The following DGKD variants were observed in gnomAD, a reference collection of about 807,000 sequenced individuals.
The protein encoded by DGKD is diacylglycerol kinase delta.
A neutral mutation model predicts 154.4 loss-of-function variants in DGKD; 68 were observed. The ratio of observed to expected loss-of-function variants is 0.44; its 90% CI spans 0.36 to 0.54. The LOEUF (loss-of-function observed/expected upper bound fraction) is 0.54, where lower values mean the gene tolerates loss of function less well. DGKD is among the 20% of genes least tolerant of loss of function. The probability of loss-of-function intolerance (pLI) is 0.00; values close to 1 mark genes in which losing one functional copy is unlikely to be tolerated. For synonymous variants in DGKD, 693 were observed against 638.0 expected (o/e 1.09, Z -1.30); for missense variants, 1,343 against 1,593.6 (o/e 0.84, Z 2.68).
intron 1 of DGKD, among the ~76,000 whole-genome samples, chr2:233,366,876 AG>A (rs1330429171): frequency 6.6e-6 from 1 of 152,206 alleles, no homozygotes; most frequent in South Asian, 2.1e-4. Context: ...GGAGAAAGAA[AG>A]GGGGCTGCAG....
chr2:233,457,304 C>CT lies in DGKD; in HGVS notation c.2557dup (p.Trp853LeufsTer8). On this transcript the variant is annotated frameshift_variant, in exon 21 of 30. Coordinates refer to ENST00000264057, the MANE Select transcript of DGKD (RefSeq NM_152879.3). LOFTEE classifies it high-confidence loss of function. The surrounding 1 kb of genome is among the most constrained non-coding windows in gnomAD (Gnocchi z 5.5). The stretch of plus-strand genomic sequence containing the variant: ...CCAGCTATGCCGGAGGAACCAACTT[C>CT]TGGGGGGGTACCAAGGAAGATGATG... The CT allele has an allele frequency of 1.3e-6, 2 of 1,536,344 alleles. No individual in the cohort carries two copies. The highest frequency in any genetic ancestry group is 1.8e-6 in the Non-Finnish European group (2 of 1,140,924).
At chr2:233,386,172 C>A in intron 1 of DGKD, 1 of 308,362 alleles carries the variant, frequency 3.2e-6, no homozygotes, top group Non-Finnish European at 6.4e-6. Context: ...TTTTTTTTTT[C>A]CCATTTAGGG....
chr2:233,355,573 C>T (rs935028070), intron 1 of DGKD, among the ~76,000 whole-genome samples: 1 of 152,164 alleles, frequency 6.6e-6, no homozygotes, highest in South Asian at 2.1e-4. Flanking sequence ...TAGGTTCAGC[C>T]GTTCCCTTCA....
chr2:233,447,521 A>C (rs1559160810), intron 12 of DGKD: 7 of 985,340 alleles, frequency 7.1e-6, no homozygotes, highest in Non-Finnish European at 8.4e-6. Flanking sequence ...TTTTTTTAAA[A>C]AAAAATTTTT....
chr2:233,403,855 C>T (rs781367260), intron 3 of DGKD, among the ~76,000 whole-genome samples: 1 of 151,880 alleles, frequency 6.6e-6, no homozygotes, highest in Non-Finnish European at 1.5e-5. Context: ...CTGGCCAGGC[C>T]GGTCTCGAAC....
chr2:233,380,549 A>G (rs1178543489), intron 1 of DGKD, among the ~76,000 whole-genome samples: 1 of 152,136 alleles, frequency 6.6e-6, no homozygotes. Flanking sequence ...CCCCCAACAG[A>G]ACTGCTTAGG....
intron 3 of DGKD, among the ~76,000 whole-genome samples, chr2:233,428,378 T>C (rs2062387267): frequency 6.6e-6 from 1 of 152,002 alleles, no homozygotes; most frequent in Non-Finnish European, 1.5e-5. Context: ...TTTCTTGTGG[T>C]TTGGGAGAGT....
chr2:233,363,931 T>G (rs946207268), intron 1 of DGKD, among the ~76,000 whole-genome samples: 21 of 152,178 alleles, frequency 1.4e-4, no homozygotes, highest in African/African-American at 4.8e-4. Context: ...AATCACCTCA[T>G]AACACATTTC....
intron 1 of DGKD, among the ~76,000 whole-genome samples, chr2:233,387,120 G>T (rs1269046389): frequency 6.6e-6 from 1 of 152,230 alleles, no homozygotes. Flanking sequence ...TGGCATAGGT[G>T]GGGGACATGA....
chr2:233,422,170 AGTGGGTGCTGGGCT>A (rs1395148749), intron 3 of DGKD, among the ~76,000 whole-genome samples: 2 of 152,196 alleles, frequency 1.3e-5, no homozygotes, highest in Non-Finnish European at 2.9e-5. Flanking sequence ...GTATTGCCGT[AGTGGGTGCTGGGCT>A]GGCCCGCCCC....
intron 1 of DGKD, among the ~76,000 whole-genome samples, chr2:233,370,570 C>CTTTTTTTTTTTTTTTTTTTTTTTTT (rs56301429): frequency 8.1e-6 from 1 of 123,344 alleles, no homozygotes; most frequent in Non-Finnish European, 1.7e-5. Context: ...AGAACTTCTT[C>CTTTTTTTTTTTTTTTTTTTTTTTTT]TTTTTTTTTT....
intron 23 of DGKD, 142 bp from the exon 24 acceptor site, chr2:233,460,052 T>A (rs1305507650): frequency 9.6e-5 from 140 of 1,456,490 alleles, no homozygotes; most frequent in South Asian, 5.5e-4. Flanking sequence ...TCTAGGACCA[T>A]CTCCTTCCCC....
intron 1 of DGKD, among the ~76,000 whole-genome samples, chr2:233,363,077 A>G (rs1701859183): frequency 1.3e-5 from 2 of 152,234 alleles, no homozygotes; most frequent in Non-Finnish European, 2.9e-5. Flanking sequence ...ATTATTTTAG[A>G]GTATATTCTT....
At chr2:233,436,677 T>A (rs575411559) in intron 7 of DGKD, among the ~76,000 whole-genome samples, 2 of 152,388 alleles carry the variant, frequency 1.3e-5, no homozygotes, top group East Asian at 1.9e-4. Flanking sequence ...TGTATTGTTA[T>A]GACAGATGTC....
chr2:233,380,980 G>T (rs535644357), intron 1 of DGKD, among the ~76,000 whole-genome samples: 1 of 152,168 alleles, frequency 6.6e-6, no homozygotes, highest in African/African-American at 2.4e-5. Flanking sequence ...GTGGCAATGG[G>T]GAAATTGGAT....
At position 233,469,780 on chromosome 2, in the gene DGKD, G is replaced by A. The variant is rs1055942892; in HGVS notation, c.*320G>A. On this transcript the variant is annotated 3_prime_UTR_variant, in exon 30 of 30. Coordinates refer to ENST00000264057, the MANE Select transcript of DGKD (RefSeq NM_152879.3). The stretch of plus-strand genomic sequence containing the variant: ...GCTGTGGGCCAGGGAATCCAGCGGC[G>A]TCTGGCCTCCTGGGCACTGCTTGCC... 4.8e-5 allele frequency: 15 copies of A among 310,320 alleles called. No homozygotes were observed. Among genetic ancestry groups the A allele is most frequent in the Non-Finnish European group, 7.9e-5 (13 of 164,792 alleles). 19.2% of individuals were successfully genotyped at this position (310,320 alleles called of 1,614,324 possible).
chr2:233,446,669 C>T (rs371756702), intron 11 of DGKD, 43 bp from the exon 12 acceptor site: 14 of 1,594,238 alleles, frequency 8.8e-6, no homozygotes, highest in Non-Finnish European at 1.0e-5. Flanking sequence ...CCCTTGTGGG[C>T]CTGCACGTCT....
rs534814628 is a variant in DGKD, at chr2:233,383,003, T to C, written c.157-5254T>C. On this transcript the variant is annotated intron_variant, in intron 1 of 29. Coordinates refer to ENST00000264057, the MANE Select transcript of DGKD (RefSeq NM_152879.3). The stretch of plus-strand genomic sequence containing the variant: ...ATTTTCTCTTTGGTGGTTTTTCTTT[T>C]TTATCATTCCGTGGGAGTTTCTTTT... Among the ~76,000 whole-genome samples the C allele has an allele frequency of 1.9e-3, 293 of 152,130 alleles. 2 individuals are homozygous for C. Among genetic ancestry groups the C allele is most frequent in the African/African-American group, 6.7e-3 (279 of 41,558 alleles).
At chr2:233,359,915 G>A (rs1701703031) in intron 1 of DGKD, among the ~76,000 whole-genome samples, 1 of 152,204 alleles carries the variant, frequency 6.6e-6, no homozygotes, top group Non-Finnish European at 1.5e-5. Context: ...GACATCATAG[G>A]TGAATTTGAC....
Sources: allele counts gnomAD v4.1 joint callset (sites outside exome capture counted in the v4.1 genomes callset), GRCh38; gene constraint gnomAD v4.1.1; non-coding constraint Gnocchi (gnomAD v3.1); transcripts MANE v1.5; gene names NCBI Gene and HGNC (gene_info 2026-07-23, HGNC 2026-07-21).